INPP4B: variants seen among roughly 807,000 people sequenced by gnomAD.
INPP4B encodes inositol polyphosphate-4-phosphatase type II B, also known as inositol polyphosphate 4-phosphatase type II.
INPP4B carries 55 observed loss-of-function variants against 122.5 expected under a neutral mutation model. The observed-to-expected ratio is 0.45, with a 90% CI of 0.36 to 0.56. The LOEUF (loss-of-function observed/expected upper bound fraction) is 0.56, where lower values mean the gene tolerates loss of function less well. INPP4B is among the 20% of genes least tolerant of loss of function. The pLI, the probability that INPP4B is intolerant of heterozygous loss-of-function variation, is 0.00. For synonymous variants in INPP4B, 403 were observed against 388.7 expected (o/e 1.04, Z -0.43); for missense variants, 1,000 against 1,097.7 (o/e 0.91, Z 1.26).
intron 4 of INPP4B, among the ~76,000 whole-genome samples, chr4:142,430,286 G>GT (rs1362829137): frequency 6.6e-6 from 1 of 152,038 alleles, no homozygotes; most frequent in Non-Finnish European, 1.5e-5. Flanking sequence ...AGAGGTTAAA[G>GT]TGACAATCAT....
chr4:142,804,168 T>G (rs13144739), intron 1 of INPP4B, among the ~76,000 whole-genome samples: 1 of 152,114 alleles, frequency 6.6e-6, no homozygotes, highest in Non-Finnish European at 1.5e-5. Flanking sequence ...TATGGCTTAT[T>G]CTAATAGGAA....
chr4:142,171,225 G>A (rs1825493510), intron 16 of INPP4B, among the ~76,000 whole-genome samples: 1 of 151,748 alleles, frequency 6.6e-6, no homozygotes, highest in Non-Finnish European at 1.5e-5. Flanking sequence ...GTCTACAACA[G>A]TAAACTCTTC....
At chr4:142,377,503 G>T (rs1321463721) in intron 7 of INPP4B, among the ~76,000 whole-genome samples, 1 of 151,956 alleles carries the variant, frequency 6.6e-6, no homozygotes, top group African/African-American at 2.4e-5. Context: ...GCTCAAATAA[G>T]TATGATTTCG....
chr4:142,468,267 A>C (rs1361939973), intron 2 of INPP4B, among the ~76,000 whole-genome samples: 1 of 152,136 alleles, frequency 6.6e-6, no homozygotes, highest in Non-Finnish European at 1.5e-5. Context: ...CCCATGGAAG[A>C]AACCTGGGCC....
chr4:142,714,293 C>T (rs1322472889), intron 2 of INPP4B, among the ~76,000 whole-genome samples: 1 of 152,112 alleles, frequency 6.6e-6, no homozygotes, highest in Non-Finnish European at 1.5e-5. Context: ...AAATTGGTGC[C>T]ACTGTCATTG....
At chr4:142,038,643 T>C (rs190892578) in intron 25 of INPP4B, among the ~76,000 whole-genome samples, 1 of 152,290 alleles carries the variant, frequency 6.6e-6, no homozygotes, top group Admixed American at 6.5e-5. Flanking sequence ...TTGGGAAACC[T>C]GGCAGATCAG....
chr4:142,829,503 T>A (rs571489649), intron 1 of INPP4B, among the ~76,000 whole-genome samples: 3 of 152,136 alleles, frequency 2.0e-5, no homozygotes, highest in African/African-American at 7.2e-5. Context: ...GACTTCTCCC[T>A]CACTTAGAGT....
chr4:142,344,511 T>G (rs542223418), intron 7 of INPP4B, among the ~76,000 whole-genome samples: 3 of 152,126 alleles, frequency 2.0e-5, no homozygotes, highest in Admixed American at 2.0e-4. Flanking sequence ...AGGTGTAAAT[T>G]TACATGAATG....
intron 1 of INPP4B, among the ~76,000 whole-genome samples, chr4:142,812,539 A>G (rs1779638204): frequency 6.6e-6 from 1 of 152,160 alleles, no homozygotes; most frequent in African/African-American, 2.4e-5. Context: ...CTTCTTGCCT[A>G]CTGTATTGTA....
intron 12 of INPP4B, among the ~76,000 whole-genome samples, chr4:142,224,241 C>T (rs1211471512): frequency 4.6e-5 from 7 of 152,096 alleles, no homozygotes; most frequent in African/African-American, 1.7e-4. Context: ...AATGTCAAAT[C>T]ATGCTAAATG....
At chr4:142,399,566 A>C (rs767513312) in intron 7 of INPP4B, among the ~76,000 whole-genome samples, 2 of 152,146 alleles carry the variant, frequency 1.3e-5, no homozygotes, top group Non-Finnish European at 2.9e-5. Flanking sequence ...TTTAGGGCTA[A>C]ACATTGTAAA....
At chr4:142,520,047 A>C (rs1356002746) in intron 2 of INPP4B, among the ~76,000 whole-genome samples, 1 of 152,076 alleles carries the variant, frequency 6.6e-6, no homozygotes, top group Non-Finnish European at 1.5e-5. Context: ...CCTAAACAAT[A>C]TTAAAGGTAT....
At chr4:142,787,894 G>A (rs1381917907) in intron 1 of INPP4B, among the ~76,000 whole-genome samples, 1 of 151,712 alleles carries the variant, frequency 6.6e-6, no homozygotes, top group Non-Finnish European at 1.5e-5. Context: ...CAGAAAATAG[G>A]TCACCGAGAA....
At chr4:142,771,005 G>T (rs1006715651) in intron 1 of INPP4B, among the ~76,000 whole-genome samples, 2 of 152,100 alleles carry the variant, frequency 1.3e-5, no homozygotes, top group Non-Finnish European at 2.9e-5. Context: ...TGGAAAGTGC[G>T]GGTAACAAAT....
At chr4:142,690,929 C>G (rs2150721610) in intron 2 of INPP4B, among the ~76,000 whole-genome samples, 1 of 152,228 alleles carries the variant, frequency 6.6e-6, no homozygotes, top group South Asian at 2.1e-4. Context: ...TACCCAGAAG[C>G]TGATTATAGA....
At chr4:142,612,975 A>G (rs1742887171) in intron 2 of INPP4B, among the ~76,000 whole-genome samples, 4 of 152,320 alleles carry the variant, frequency 2.6e-5, no homozygotes, top group Admixed American at 2.6e-4. Flanking sequence ...AATCAGAAAT[A>G]ATGTAAGTGC....
chr4:142,230,758 T>G (rs982335895), intron 12 of INPP4B, among the ~76,000 whole-genome samples: 1 of 152,060 alleles, frequency 6.6e-6, no homozygotes, highest in Non-Finnish European at 1.5e-5. Flanking sequence ...CTATTTCACA[T>G]AGTGAGCATG....
intron 2 of INPP4B, among the ~76,000 whole-genome samples, chr4:142,630,656 G>A (rs1216372752): frequency 1.3e-5 from 2 of 152,088 alleles, no homozygotes; most frequent in African/African-American, 4.8e-5. Context: ...AGGAGACTTA[G>A]GAGGACAGAA....
intron 2 of INPP4B, among the ~76,000 whole-genome samples, chr4:142,608,838 G>A (rs1741876705): frequency 6.6e-6 from 1 of 152,126 alleles, no homozygotes; most frequent in Non-Finnish European, 1.5e-5. Flanking sequence ...AGCCAGTGCT[G>A]CTATACTAAC....
Sources: gnomAD v4.1 joint callset for allele counts (sites outside exome capture counted in the v4.1 genomes callset) on GRCh38, gnomAD v4.1.1 for gene constraint, MANE v1.5 for transcripts, NCBI Gene and HGNC (gene_info 2026-07-23, HGNC 2026-07-21) for gene names.